ANGPT2: variants seen among roughly 807,000 people sequenced by gnomAD.
ANGPT2 encodes angiopoietin-2.
In ANGPT2, 28 loss-of-function variants were observed where a neutral mutation model predicts 62.9. That is an observed-to-expected ratio of 0.44 (90% CI 0.33 to 0.61). The LOEUF (loss-of-function observed/expected upper bound fraction) is 0.61, where lower values mean the gene tolerates loss of function less well. ANGPT2 is among the 20% of genes least tolerant of loss of function. The pLI is 0.03. For missense variants in ANGPT2, 727 were observed against 594.9 expected, an observed-to-expected ratio of 1.22 and a Z score of -2.31; for synonymous variants, 284 against 207.8, an observed-to-expected ratio of 1.37 and a Z score of -3.15.
chr8:6,518,216 A>G (rs1363987365), intron 5 of ANGPT2, among the ~76,000 whole-genome samples: 1 of 152,174 alleles, frequency 6.6e-6, no homozygotes, highest in Non-Finnish European at 1.5e-5. Flanking sequence ...CCCATTTCAC[A>G]TGCATCCTCT....
chr8:6,552,758 T>C (rs1823876384), intron 1 of ANGPT2, among the ~76,000 whole-genome samples: 1 of 152,112 alleles, frequency 6.6e-6, no homozygotes, highest in Non-Finnish European at 1.5e-5. Flanking sequence ...CAGTGATTGT[T>C]TCGGCCAGTT....
At chr8:6,561,064 A>G (rs550100505) in intron 1 of ANGPT2, among the ~76,000 whole-genome samples, 1 of 152,348 alleles carries the variant, frequency 6.6e-6, no homozygotes, top group South Asian at 2.1e-4. Flanking sequence ...AAGAAATAGG[A>G]AGTTCAAGTT....
chr8:6,516,881 C>T (rs933488653), intron 5 of ANGPT2, among the ~76,000 whole-genome samples: 3 of 152,146 alleles, frequency 2.0e-5, no homozygotes, highest in Non-Finnish European at 2.9e-5. Flanking sequence ...AGAGGCAAAA[C>T]TCTTAAATGT....
chr8:6,560,767 G>A (rs1375028760), intron 1 of ANGPT2, among the ~76,000 whole-genome samples: 1 of 152,180 alleles, frequency 6.6e-6, no homozygotes, highest in East Asian at 1.9e-4. Flanking sequence ...GTCTTTAAAT[G>A]TTATCTCAAA....
intron 8 of ANGPT2, among the ~76,000 whole-genome samples, chr8:6,506,779 T>C (rs1813808894): frequency 7.3e-6 from 1 of 137,486 alleles, no homozygotes; most frequent in Non-Finnish European, 1.6e-5. Context: ...AGAGGATTGC[T>C]TTTTTTTTTT....
At chr8:6,504,360 A>T (rs1563303260) in intron 8 of ANGPT2, among the ~76,000 whole-genome samples, 1 of 150,778 alleles carries the variant, frequency 6.6e-6, no homozygotes, top group Non-Finnish European at 1.5e-5. Context: ...CTTAAATTGC[A>T]TGCCGTTCTG....
chr8:6,511,525 C>G (rs1815090597), intron 7 of ANGPT2, among the ~76,000 whole-genome samples: 4 of 152,078 alleles, frequency 2.6e-5, no homozygotes, highest in Admixed American at 2.0e-4. Context: ...TTCCAGTTTT[C>G]CAACACTTGG....
At chr8:6,545,807 C>A (rs751243666) in intron 1 of ANGPT2, among the ~76,000 whole-genome samples, 9 of 152,184 alleles carry the variant, frequency 5.9e-5, no homozygotes, top group African/African-American at 9.7e-5. Context: ...CTACCCATTG[C>A]CCATTGGAAT....
rs534466617 is a variant in ANGPT2, at chr8:6,505,277, CAT to C, written c.1328-2018_1328-2017del. On this transcript the variant is annotated intron_variant, in intron 8 of 8. Transcript: ENST00000629816. Reference sequence around the variant, plus strand: ...TATATATGTTTTATATATATGTATACATATATATGTTATATACATATATATGT... The same window carrying C: ...TATATATGTTTTATATATATGTATACATATATGTTATATACATATATATGT... Among the ~76,000 whole-genome samples, 5 of 28,098 alleles carry C rather than the reference CAT, an allele frequency of 1.8e-4. 1 individual carries two copies. The highest frequency in any genetic ancestry group is 2.3e-3 in the South Asian group (2 of 856). 18.4% of individuals were successfully genotyped at this position (28,098 alleles called of 152,430 possible).
intron 1 of ANGPT2, among the ~76,000 whole-genome samples, chr8:6,559,228 A>T (rs1825128723): frequency 4.2e-5 from 1 of 23,630 alleles, no homozygotes; most frequent in African/African-American, 1.1e-4. Context: ...GCCACACACG[A>T]CAACACACAC....
At chr8:6,535,687 G>T (rs57720549) in intron 1 of ANGPT2, among the ~76,000 whole-genome samples, 1 of 152,098 alleles carries the variant, frequency 6.6e-6, no homozygotes, top group East Asian at 1.9e-4. Context: ...CTAATTAATT[G>T]AAGTCTTTGG....
chr8:6,521,196 T>C lies in ANGPT2; in HGVS notation c.781A>G (p.Met261Val). Residue 261 changes from methionine to valine, a missense_variant, in exon 4 of 9, where the codon ATG (methionine) becomes GTG (valine). Physicochemically the swap from Met to Val is conservative, Grantham distance 21. Coordinates refer to ENST00000629816, the MANE Select transcript of ANGPT2 (RefSeq NM_001118887.2). The stretch of plus-strand genomic sequence containing the variant: ...AACTTACAGTTTGATGTGGACATCA[T>C]AGTCAGTAAGTTATTAACTGTCTCC... ...LMETVNNLLT[M>V]MSTSNSKDPT... The C allele has an allele frequency of 1.2e-6, 2 of 1,613,142 alleles. No homozygotes were observed. The highest frequency in any genetic ancestry group is 1.3e-5 in the African/African-American group (1 of 75,052).
At chr8:6,548,214 G>A (rs1822960762) in intron 1 of ANGPT2, among the ~76,000 whole-genome samples, 1 of 152,132 alleles carries the variant, frequency 6.6e-6, no homozygotes, top group South Asian at 2.1e-4. Flanking sequence ...GAAGGCCAAA[G>A]TTAGAACCTA....
chr8:6,542,345 T>G (rs35742902), intron 1 of ANGPT2, among the ~76,000 whole-genome samples: 84,974 of 151,790 alleles, frequency 0.56, 24,228 homozygotes, highest in Middle Eastern at 0.66. Context: ...TGTGTGTGTT[T>G]CAGTTCTCTA....
At chr8:6,561,277 C>T (rs1410825393) in intron 1 of ANGPT2, among the ~76,000 whole-genome samples, 1 of 152,190 alleles carries the variant, frequency 6.6e-6, no homozygotes, top group African/African-American at 2.4e-5. Flanking sequence ...AGTTTTATGT[C>T]ACATGAAATC....
intron 1 of ANGPT2, among the ~76,000 whole-genome samples, chr8:6,544,629 G>A (rs1822212359): frequency 1.3e-5 from 2 of 152,100 alleles, no homozygotes; most frequent in African/African-American, 4.8e-5. Flanking sequence ...GCACAACTTG[G>A]CCATGAAATG....
intron 5 of ANGPT2, among the ~76,000 whole-genome samples, chr8:6,515,927 G>T (rs1816183256): frequency 6.6e-6 from 1 of 152,168 alleles, no homozygotes; most frequent in Non-Finnish European, 1.5e-5. Context: ...CCTACATGAG[G>T]AAAGAGGGGT....
Position 6,548,523 on chromosome 8 carries a change from C to T in ANGPT2, c.288+14124G>A, listed in dbSNP as rs562525054. Reference sequence around the variant, plus strand: ...TGCAGCTTACTTGCATTTCAGTGGTCCCAGCAAGCACTCAAGAGGAAAGAT... The same window carrying T: ...TGCAGCTTACTTGCATTTCAGTGGTTCCAGCAAGCACTCAAGAGGAAAGAT... On this transcript the variant is annotated intron_variant, in intron 1 of 8. Transcript: ENST00000629816. 1.8e-4 allele frequency among the ~76,000 whole-genome samples: 27 copies of T among 152,270 alleles called. No individual in the cohort carries two copies. In the East Asian group the frequency reaches 3.1e-3, roughly 17 times the overall value.
At chr8:6,536,592 C>T (rs752261570) in intron 1 of ANGPT2, among the ~76,000 whole-genome samples, 1 of 152,142 alleles carries the variant, frequency 6.6e-6, no homozygotes, top group East Asian at 1.9e-4. Flanking sequence ...ACAAAAGAAT[C>T]TGTGTTTTCT....
Sources: gnomAD v4.1 joint callset for allele counts (sites outside exome capture counted in the v4.1 genomes callset) on GRCh38, gnomAD v4.1.1 for gene constraint, MANE v1.5 for transcripts, NCBI Gene and HGNC (gene_info 2026-07-23, HGNC 2026-07-21) for gene names.